Variants in GLI3 observed in about 807,000 individuals in gnomAD.
GLI3 encodes GLI family zinc finger 3, also known as transcription activator GLI3.
Under a neutral mutation model 100.8 loss-of-function variants are expected in GLI3, and 20 were observed. The observed-to-expected ratio is 0.20, with a 90% CI of 0.14 to 0.29. The LOEUF is 0.29. GLI3 is among the 10% of genes least tolerant of loss of function. GLI3 has a pLI of 1.00. For synonymous variants in GLI3, 938 were observed against 860.5 expected (o/e 1.09, Z -1.58); for missense variants, 2,040 against 2,128.5 (o/e 0.96, Z 0.82).
At chr7:41,979,204 G>T (rs2128713050) in intron 10 of GLI3, among the ~76,000 whole-genome samples, 1 of 152,292 alleles carries the variant, frequency 6.6e-6, no homozygotes, top group South Asian at 2.1e-4. Flanking sequence ...CGCGGCTTAG[G>T]CTTCAAAAAG....
At chr7:42,076,961 C>T (rs1249174837) in intron 3 of GLI3, 104 bp from the exon 4 acceptor site, 1 of 752,100 alleles carries the variant, frequency 1.3e-6, no homozygotes, top group Admixed American at 2.0e-5. Flanking sequence ...ACTACCTACA[C>T]TTAATCTAAG....
intron 3 of GLI3, among the ~76,000 whole-genome samples, chr7:42,147,438 G>A (rs1323523219): frequency 2.0e-5 from 3 of 152,146 alleles, no homozygotes; most frequent in Non-Finnish European, 4.4e-5. Flanking sequence ...TCTGAATCCT[G>A]GCAAGGTGAT....
chr7:41,968,328 G>C (rs1167478463), intron 13 of GLI3, among the ~76,000 whole-genome samples: 4 of 152,264 alleles, frequency 2.6e-5, no homozygotes, highest in African/African-American at 9.6e-5. Flanking sequence ...AGGGATTGTT[G>C]TGAGGAATTA....
Position 42,101,531 on chromosome 7 carries a change from G to A in GLI3, c.368-24674C>T, listed in dbSNP as rs564033372. 2.8e-3 allele frequency among the ~76,000 whole-genome samples: 424 copies of A among 152,088 alleles called. 1 individual carries two copies. Among genetic ancestry groups the A allele is most frequent in the African/African-American group, 9.5e-3 (394 of 41,462 alleles). Reference sequence around the variant, plus strand: ...TGAGGCAGTAGGATTGCTTGAGCCCGGGAGGTGGAGGCTGCAGTGAGCCAT... The same window carrying A: ...TGAGGCAGTAGGATTGCTTGAGCCCAGGAGGTGGAGGCTGCAGTGAGCCAT... On this transcript the variant is annotated intron_variant, in intron 3 of 14. Transcript: ENST00000395925.
chr7:42,048,467 A>G lies in GLI3; in HGVS notation c.679+24T>C. On this transcript the variant is annotated intron_variant, in intron 5 of 14. Transcript: ENST00000395925. ...GGGGAGGAGGCTGCATGATCTCCAGAAGCAGAATCCATCCTGGACTTACCA... is the reference window on the plus strand; with the variant it reads ...GGGGAGGAGGCTGCATGATCTCCAGGAGCAGAATCCATCCTGGACTTACCA... 3 of 1,519,884 alleles carry G rather than the reference A, an allele frequency of 2.0e-6. No individual in the cohort carries two copies. In the South Asian group the frequency reaches 3.4e-5, roughly 17 times the overall value. 94.1% of individuals were successfully genotyped at this position (1,519,884 alleles called of 1,614,324 possible).
chr7:42,188,578 A>G (rs890181763), intron 2 of GLI3, among the ~76,000 whole-genome samples: 1 of 152,214 alleles, frequency 6.6e-6, no homozygotes, highest in African/African-American at 2.4e-5. Context: ...AGCTTTATTC[A>G]TAATTGCCAA....
At chr7:42,023,054 A>T (rs1486392195) in intron 10 of GLI3, among the ~76,000 whole-genome samples, 1 of 152,174 alleles carries the variant, frequency 6.6e-6, no homozygotes, top group African/African-American at 2.4e-5. Context: ...TTAGGCTTTG[A>T]GAGTTTGGGA....
chr7:41,965,507 C>T lies in GLI3; in HGVS notation c.3566G>A (p.Arg1189His). The T allele has an allele frequency of 1.9e-6, 3 of 1,607,368 alleles. No homozygotes were observed. The highest frequency in any genetic ancestry group is 2.2e-5 in the East Asian group (1 of 44,626). The change falls in exon 15 of 15, where the codon CGC becomes CAC. Residue 1189 changes from arginine (R) to histidine (H), a missense_variant. Arg to His is a conservative substitution (Grantham distance 29). Coordinates refer to ENST00000395925, the MANE Select transcript of GLI3 (RefSeq NM_000168.6). The stretch of plus-strand genomic sequence containing the variant: ...CATGCCGTTGCAGAACCCAAAGGCG[C>T]GAGTCTGCGGCACAGCGGGCCGCGG... ...CGPRPAVPQTRAFGFCNGMVV... is the reference protein window; with the variant it reads ...CGPRPAVPQTHAFGFCNGMVV...
intron 2 of GLI3, among the ~76,000 whole-genome samples, chr7:42,183,081 T>G (rs1410761194): frequency 6.6e-6 from 1 of 151,748 alleles, no homozygotes; most frequent in Admixed American, 6.6e-5. Context: ...AAAATAAGCC[T>G]GGCATGGTGG....
chr7:42,235,227 G>C (rs1441878471), intron 1 of GLI3, among the ~76,000 whole-genome samples: 13 of 152,112 alleles, frequency 8.5e-5, no homozygotes, highest in Admixed American at 7.2e-4. Flanking sequence ...AATAATTACA[G>C]GAATCAATCA....
intron 10 of GLI3, among the ~76,000 whole-genome samples, chr7:41,981,410 C>A (rs2128713911): frequency 6.6e-6 from 1 of 152,318 alleles, no homozygotes; most frequent in Middle Eastern, 3.4e-3. Flanking sequence ...GCCAGGCTTG[C>A]ATGTCTGCCC....
At chr7:42,117,042 T>C (rs1034351776) in intron 3 of GLI3, among the ~76,000 whole-genome samples, 3 of 152,244 alleles carry the variant, frequency 2.0e-5, no homozygotes, top group African/African-American at 4.8e-5. Flanking sequence ...GTGCACACTT[T>C]AAATTGTAGG....
At chr7:42,097,553 G>GC (rs759222741) in intron 3 of GLI3, among the ~76,000 whole-genome samples, 1 of 152,224 alleles carries the variant, frequency 6.6e-6, no homozygotes, top group Non-Finnish European at 1.5e-5. Flanking sequence ...ACGGGACCCA[G>GC]CAGGGGCTCT....
chr7:42,081,386 T>C (rs1784993950), intron 3 of GLI3, among the ~76,000 whole-genome samples: 1 of 152,086 alleles, frequency 6.6e-6, no homozygotes, highest in Non-Finnish European at 1.5e-5. Flanking sequence ...ATTTGAAGAG[T>C]GTGCACTCTC....
chr7:41,966,030 C>T lies in GLI3; in HGVS notation c.3043G>A (p.Gly1015Ser). The change falls in exon 15 of 15, where the codon GGC becomes AGC. Residue 1015 changes from glycine to serine, a missense_variant. Around this residue, in one of 5 missense-constraint regions of GLI3, gnomAD observed 1,041 missense variants for 924.0 expected, o/e 1.13. Transcript: ENST00000395925. The surrounding 1 kb of genome is among the most constrained non-coding windows in gnomAD (Gnocchi z 5.8). Reference protein sequence around the residue: ...ASDPVRTGSEGLALPRVPRFS... With the variant: ...ASDPVRTGSESLALPRVPRFS... ...CGCGGCACACGAGGCAGGGCCAGGC[C>T]CTCGGAGCCTGTCCGCACCGGGTCG... The T allele has an allele frequency of 1.3e-6, 2 of 1,592,878 alleles. No homozygotes were observed. The highest frequency in any genetic ancestry group is 1.7e-6 in the Non-Finnish European group (2 of 1,175,860).
At chr7:41,969,765 A>G (rs1367242402) in intron 13 of GLI3, among the ~76,000 whole-genome samples, 1 of 152,240 alleles carries the variant, frequency 6.6e-6, no homozygotes, top group Non-Finnish European at 1.5e-5. Flanking sequence ...AAATTGCTTC[A>G]ATGAGCGTCC....
chr7:42,110,244 G>C (rs1422911717), intron 3 of GLI3, among the ~76,000 whole-genome samples: 1 of 152,112 alleles, frequency 6.6e-6, no homozygotes, highest in Non-Finnish European at 1.5e-5. Flanking sequence ...TTAATTTTCA[G>C]TTTTATAGTA....
At chr7:42,225,750 T>G (rs1458083073) in intron 1 of GLI3, among the ~76,000 whole-genome samples, 1 of 152,198 alleles carries the variant, frequency 6.6e-6, no homozygotes, top group East Asian at 1.9e-4. Flanking sequence ...ATGAATGAAC[T>G]GCACTCTAGA....
chr7:42,036,082 A>T (rs1311907519), intron 7 of GLI3, among the ~76,000 whole-genome samples: 3 of 152,222 alleles, frequency 2.0e-5, no homozygotes, highest in Non-Finnish European at 4.4e-5. Flanking sequence ...TTTGTGAATA[A>T]ATATTAGTTT....
Sources: allele counts gnomAD v4.1 joint callset (sites outside exome capture counted in the v4.1 genomes callset), GRCh38; gene constraint gnomAD v4.1.1; regional missense constraint gnomAD v4.1.1; non-coding constraint Gnocchi (gnomAD v3.1); transcripts MANE v1.5; gene names NCBI Gene and HGNC (gene_info 2026-07-23, HGNC 2026-07-21).